The following LARGE1 variants were observed in gnomAD, a reference collection of about 807,000 sequenced individuals.
LARGE1 encodes LARGE xylosyl- and glucuronyltransferase 1, also known as xylosyl- and glucuronyltransferase LARGE1.
LARGE1 carries 43 observed loss-of-function variants against 87.6 expected under a neutral mutation model. The observed-to-expected ratio is 0.49, with a 90% confidence interval of 0.38 to 0.63. The LOEUF is 0.63. Among genes scored for constraint, LARGE1 ranks in the 30% least tolerant of loss-of-function variants. LARGE1 has a pLI of 0.00. For missense variants in LARGE1, 802 were observed against 1,000.2 expected, an observed-to-expected ratio of 0.80 and a Z score of 2.67; for synonymous variants, 434 against 394.6, an observed-to-expected ratio of 1.10 and a Z score of -1.18.
chr22:33,275,638 G>C (rs1441973131), intron 14 of LARGE1, among the ~76,000 whole-genome samples: 2 of 152,150 alleles, frequency 1.3e-5, no homozygotes, highest in Non-Finnish European at 2.9e-5. Flanking sequence ...GTTAATACCT[G>C]GCAGGTGTGC....
intron 2 of LARGE1, among the ~76,000 whole-genome samples, chr22:33,758,011 C>G (rs564515838): frequency 6.6e-6 from 1 of 152,234 alleles, no homozygotes; most frequent in South Asian, 2.1e-4. Flanking sequence ...CTCCCTCCCA[C>G]GATACTGGAC....
At chr22:33,715,960 G>C (rs1274904040) in intron 2 of LARGE1, among the ~76,000 whole-genome samples, 2 of 152,142 alleles carry the variant, frequency 1.3e-5, no homozygotes, top group Admixed American at 6.5e-5. Flanking sequence ...ATTTAATTTT[G>C]AGTTAATTCC....
intron 11 of LARGE1, among the ~76,000 whole-genome samples, chr22:33,235,960 G>T (rs1419250036): frequency 6.6e-6 from 1 of 152,178 alleles, no homozygotes; most frequent in African/African-American, 2.4e-5. Context: ...TAAATCCAAT[G>T]ACTGGTATTC....
At chr22:33,516,477 C>G (rs2071308237) in intron 6 of LARGE1, among the ~76,000 whole-genome samples, 1 of 152,260 alleles carries the variant, frequency 6.6e-6, no homozygotes, top group South Asian at 2.1e-4. Flanking sequence ...GGAAGCCCCA[C>G]CTTTCATTTT....
At chr22:33,690,117 T>C (rs2082056134) in intron 2 of LARGE1, among the ~76,000 whole-genome samples, 1 of 152,158 alleles carries the variant, frequency 6.6e-6, no homozygotes. Context: ...GAGGGTACTC[T>C]GTGGCCAGGC....
At chr22:33,714,712 C>A (rs1569398135) in intron 2 of LARGE1, among the ~76,000 whole-genome samples, 2 of 152,294 alleles carry the variant, frequency 1.3e-5, no homozygotes, top group East Asian at 3.9e-4. Context: ...CTCCCTTGGC[C>A]CAACTGGCCT....
At chr22:33,630,271 T>C (rs955372350) in intron 3 of LARGE1, among the ~76,000 whole-genome samples, 1 of 152,134 alleles carries the variant, frequency 6.6e-6, no homozygotes, top group East Asian at 1.9e-4. Context: ...GATCTGAATG[T>C]CAGAATCAGT....
At chr22:33,752,592 G>A (rs906204451) in intron 2 of LARGE1, among the ~76,000 whole-genome samples, 2 of 152,150 alleles carry the variant, frequency 1.3e-5, no homozygotes, top group African/African-American at 4.8e-5. Flanking sequence ...CTCATGAGCT[G>A]TAAATGAAAT....
chr22:33,352,592 T>TA (rs200043431), intron 9 of LARGE1, among the ~76,000 whole-genome samples: 4,811 of 150,532 alleles, frequency 0.032, 245 homozygotes, highest in African/African-American at 0.11. Flanking sequence ...CATCTCTACT[T>TA]AAAAAAAAAT....
chr22:33,452,107 T>C (rs1205348256), intron 6 of LARGE1, among the ~76,000 whole-genome samples: 1 of 152,236 alleles, frequency 6.6e-6, no homozygotes. Context: ...GAGAGGTGAC[T>C]ATACGTCAGG....
Position 33,752,651 on chromosome 22 carries a change from G to A in LARGE1, c.106+8720C>T, listed in dbSNP as rs181281779. Among the ~76,000 whole-genome samples the A allele has an allele frequency of 6.6e-5, 10 of 152,306 alleles. No individual in the cohort carries two copies. In the East Asian group the frequency reaches 1.9e-3, roughly 29 times the overall value. ...CAAATGCAAGAACCCAAAACTCCAA[G>A]GGAAGGATGAGATGTCCATATGAAA... On this transcript the variant is annotated intron_variant, in intron 2 of 14. Coordinates refer to ENST00000397394, the MANE Select transcript of LARGE1 (RefSeq NM_133642.5).
At chr22:33,498,907 G>T (rs1389488810) in intron 6 of LARGE1, among the ~76,000 whole-genome samples, 2 of 152,140 alleles carry the variant, frequency 1.3e-5, no homozygotes, top group Admixed American at 1.3e-4. Context: ...AGGAGGCGGA[G>T]GTTGCAGTGA....
intron 4 of LARGE1, among the ~76,000 whole-genome samples, chr22:33,624,045 A>G (rs1286162091): frequency 6.6e-6 from 1 of 152,186 alleles, no homozygotes; most frequent in Admixed American, 6.5e-5. Context: ...AAAATAAAAT[A>G]AAAAATAAAA....
At chr22:33,743,274 T>C (rs181380436) in intron 2 of LARGE1, 4 of 152,274 alleles carry the variant, frequency 2.6e-5, no homozygotes, top group Admixed American at 2.6e-4. Context: ...AAGAATGGCT[T>C]AATATACCCA....
intron 9 of LARGE1, among the ~76,000 whole-genome samples, chr22:33,378,202 G>GTT (rs1162662898): frequency 6.6e-6 from 1 of 152,104 alleles, no homozygotes; most frequent in East Asian, 1.9e-4. Context: ...TCTGCCAAGT[G>GTT]CCTGGCAAAT....
intron 4 of LARGE1, among the ~76,000 whole-genome samples, chr22:33,604,807 C>T (rs1417126464): frequency 6.6e-6 from 1 of 152,088 alleles, no homozygotes; most frequent in East Asian, 1.9e-4. Flanking sequence ...CTACTGACAC[C>T]CAATTCAGGC....
At chr22:33,375,338 A>G (rs185619281) in intron 9 of LARGE1, among the ~76,000 whole-genome samples, 28 of 152,122 alleles carry the variant, frequency 1.8e-4, no homozygotes, top group Admixed American at 7.9e-4. Flanking sequence ...CTTATTTTTT[A>G]CGGTAATATG....
upstream of LARGE1, among the ~76,000 whole-genome samples, chr22:33,921,040 G>T (rs1601922882): frequency 6.6e-6 from 1 of 150,416 alleles, no homozygotes; most frequent in Non-Finnish European, 1.5e-5. The surrounding 1 kb of genome is among the most constrained non-coding windows in gnomAD (Gnocchi z 4.1). Flanking sequence ...TGCAGCCGGG[G>T]GGGACCGCGA....
At chr22:33,353,567 C>T (rs186313745) in intron 9 of LARGE1, among the ~76,000 whole-genome samples, 4 of 152,184 alleles carry the variant, frequency 2.6e-5, no homozygotes, top group African/African-American at 7.2e-5. Context: ...GGGAGATTTG[C>T]TATGGAATTA....
Sources: allele counts gnomAD v4.1 joint callset (sites outside exome capture counted in the v4.1 genomes callset), GRCh38; gene constraint gnomAD v4.1.1; non-coding constraint Gnocchi (gnomAD v3.1); transcripts MANE v1.5; gene names NCBI Gene and HGNC (gene_info 2026-07-23, HGNC 2026-07-21).